STON2: variants seen among roughly 807,000 people sequenced by gnomAD.
STON2 encodes stonin-2.
A neutral mutation model predicts 65.7 loss-of-function variants in STON2; 29 were observed. That is an observed-to-expected ratio of 0.44 (90% CI 0.33 to 0.60). The LOEUF (loss-of-function observed/expected upper bound fraction) is 0.60. Ranked by LOEUF, STON2 falls within the 20% of genes least tolerant of loss-of-function variation. The pLI is 0.03. For synonymous variants in STON2, 404 were observed against 414.2 expected, an observed-to-expected ratio of 0.98 and a Z score of 0.30; for missense variants, 1,054 against 1,118.1, an observed-to-expected ratio of 0.94 and a Z score of 0.82.
chr14:81,289,481 C>T lies in STON2; in HGVS notation c.743-10742G>A, dbSNP rs1010098286. 4.6e-5 allele frequency among the ~76,000 whole-genome samples: 7 copies of T among 152,132 alleles called. 1 individual carries two copies. Among genetic ancestry groups the T allele is most frequent in the Admixed American group, 2.0e-4 (3 of 15,288 alleles). ...GAAAGGTCGGAAGGTTCTGCAGAGC[C>T]CCAGGGGAGAATAGCTGAAGACAGC... On this transcript the variant is annotated intron_variant, in intron 5 of 7. Coordinates refer to ENST00000614646, the MANE Select transcript of STON2 (RefSeq NM_001394390.1).
chr14:81,401,749 T>C (rs546004026), upstream of STON2, among the ~76,000 whole-genome samples: 21 of 152,330 alleles, frequency 1.4e-4, no homozygotes, highest in African/African-American at 4.3e-4. Flanking sequence ...GAGCTACTTC[T>C]TTCTCAGCAT....
In STON2 at chr14:81,270,801, C is replaced by T. The variant is rs1465000908; in HGVS notation, c.2653G>A (p.Ala885Thr). The T allele has an allele frequency of 1.2e-6, 2 of 1,614,038 alleles. No individual in the cohort carries two copies. Among genetic ancestry groups the T allele is most frequent in the East Asian group, 2.2e-5 (1 of 44,880 alleles). ...CTGAACTCGACATTCACGTGATTGG[C>T]AAATCTGGAAGGCACTTCCCGGTCA... ...GSDREVPSRFANHVNVEFSMP... is the reference protein window; with the variant it reads ...GSDREVPSRFTNHVNVEFSMP... Residue 885 changes from alanine (A) to threonine (T), a missense_variant, in exon 7 of 8, where the codon GCC becomes ACC. Physicochemically the swap from Ala to Thr is moderately conservative, Grantham distance 58. Coordinates refer to ENST00000614646, the MANE Select transcript of STON2 (RefSeq NM_001394390.1).
chr14:81,303,984 G>A (rs1896072805), intron 5 of STON2, among the ~76,000 whole-genome samples: 1 of 152,096 alleles, frequency 6.6e-6, no homozygotes, highest in South Asian at 2.1e-4. Context: ...CGTGAATAAT[G>A]ACTATCCTGA....
chr14:81,302,176 C>T (rs1483177923), intron 5 of STON2, among the ~76,000 whole-genome samples: 1 of 152,206 alleles, frequency 6.6e-6, no homozygotes, highest in East Asian at 1.9e-4. Context: ...TAAGCATGCA[C>T]CATATCAGCT....
At chr14:81,348,074 CCTTT>C (rs1897887452) in intron 4 of STON2, among the ~76,000 whole-genome samples, 1 of 151,942 alleles carries the variant, frequency 6.6e-6, no homozygotes, top group Non-Finnish European at 1.5e-5. Flanking sequence ...ATTCAACATT[CCTTT>C]ATGTTAAAAA....
intron 2 of STON2, among the ~76,000 whole-genome samples, chr14:81,426,212 T>C (rs1022066941): frequency 6.6e-6 from 1 of 152,236 alleles, no homozygotes; most frequent in Non-Finnish European, 1.5e-5. Flanking sequence ...TCAAATGGTA[T>C]CCGACCCTAG....
At chr14:81,420,078 T>C (rs1391918251) in intron 2 of STON2, among the ~76,000 whole-genome samples, 2 of 152,200 alleles carry the variant, frequency 1.3e-5, no homozygotes, top group Admixed American at 6.5e-5. Flanking sequence ...GGGGTGCATC[T>C]GCTAGATCCT....
Position 81,412,763 on chromosome 14 carries a change from TA to T in STON2, c.-198-14184del, listed in dbSNP as rs573978929. ...TGTAATTTAACAGAATTTTTTAAAT[TA>T]AAAAAAAATGACCACGCGCAAAGCA... On this transcript the variant is annotated intron_variant, in intron 2 of 8. Coordinates refer to the STON2 transcript ENST00000553821. Among the ~76,000 whole-genome samples, 107 of 138,288 alleles carry T rather than the reference TA, an allele frequency of 7.7e-4. 25 individuals are homozygous for T. In the South Asian group the frequency reaches 0.017, roughly 22 times the overall value. 90.7% of individuals were successfully genotyped at this position (138,288 alleles called of 152,430 possible).
intron 4 of STON2, among the ~76,000 whole-genome samples, chr14:81,363,330 T>A (rs1428814927): frequency 6.6e-6 from 1 of 152,120 alleles, no homozygotes; most frequent in African/African-American, 2.4e-5. Flanking sequence ...TATATAAAAA[T>A]CATTTTAATG....
chr14:81,314,026 G>T (rs1407264079), intron 5 of STON2, among the ~76,000 whole-genome samples: 1 of 152,194 alleles, frequency 6.6e-6, no homozygotes, highest in African/African-American at 2.4e-5. Context: ...AGAAGTAAGC[G>T]ACAGAGCCTT....
chr14:81,284,153 A>T (rs1024737132), intron 5 of STON2, among the ~76,000 whole-genome samples: 6 of 152,230 alleles, frequency 3.9e-5, no homozygotes, highest in African/African-American at 1.4e-4. Context: ...TCCCTGAGAC[A>T]AAGCAATATT....
intron 2 of STON2, among the ~76,000 whole-genome samples, chr14:81,405,762 G>A (rs1415091172): frequency 6.6e-6 from 1 of 152,120 alleles, no homozygotes; most frequent in Non-Finnish European, 1.5e-5. Flanking sequence ...GATCTTGACA[G>A]GGTATGATGG....
In STON2 at chr14:81,313,494, A is replaced by T. The variant is rs555357923; in HGVS notation, c.742+10523T>A. On this transcript the variant is annotated intron_variant, in intron 5 of 7. Coordinates refer to ENST00000614646, the MANE Select transcript of STON2 (RefSeq NM_001394390.1). ...CTCACAGTGAGAAAGAAAATTGATT[A>T]AAAAAAAAAAGCCAGGCCAGGCAGG... Among the ~76,000 whole-genome samples, 222 of 146,332 alleles carry T rather than the reference A, an allele frequency of 1.5e-3. 2 individuals carry two copies. Among genetic ancestry groups the T allele is most frequent in the African/African-American group, 5.4e-3 (218 of 40,170 alleles).
Position 81,266,743 on chromosome 14 carries a change from A to G in STON2, c.*1671T>C, listed in dbSNP as rs895143819. The G allele has an allele frequency of 8.1e-6, 8 of 985,216 alleles. No homozygotes were observed. In the African/African-American group the frequency reaches 1.4e-4, roughly 17 times the overall value. The allele number at this position is 985,216 out of a possible 1,614,324, so 61.0% of individuals were successfully genotyped here. ...TTCAACATTGAACCTCCATTTCTGTAAGGAAATATTTCTCTATAAACTACC... is the reference window on the plus strand; with the variant it reads ...TTCAACATTGAACCTCCATTTCTGTGAGGAAATATTTCTCTATAAACTACC... On this transcript the variant is annotated 3_prime_UTR_variant, in exon 8 of 8. Transcript: ENST00000614646.
At chr14:81,360,352 C>T (rs1595393589) in intron 4 of STON2, among the ~76,000 whole-genome samples, 1 of 152,084 alleles carries the variant, frequency 6.6e-6, no homozygotes, top group African/African-American at 2.4e-5. Context: ...GCATTTATCC[C>T]TGGGATGCAA....
chr14:81,379,396 GATATATATGGAGAT>G (rs1212317218), intron 3 of STON2, among the ~76,000 whole-genome samples: 3 of 152,128 alleles, frequency 2.0e-5, no homozygotes, highest in African/African-American at 4.8e-5. Flanking sequence ...AATGGAGAAA[GATATATATGGAGAT>G]ATATATATGG....
chr14:81,302,360 C>A (rs891608320), intron 5 of STON2, among the ~76,000 whole-genome samples: 1 of 152,208 alleles, frequency 6.6e-6, no homozygotes, highest in Non-Finnish European at 1.5e-5. Context: ...ACAGGCTCTT[C>A]CTGTAGTGAT....
At chr14:81,315,616 G>T (rs986280876) in intron 5 of STON2, among the ~76,000 whole-genome samples, 2 of 152,216 alleles carry the variant, frequency 1.3e-5, no homozygotes, top group Non-Finnish European at 2.9e-5. Context: ...TCCTGCTCCC[G>T]CAGAGAACAT....
intron 2 of STON2, among the ~76,000 whole-genome samples, chr14:81,405,557 G>T (rs1900818396): frequency 2.5e-5 from 3 of 117,980 alleles, no homozygotes; most frequent in Admixed American, 1.1e-4. Flanking sequence ...AATAATTGTT[G>T]GTGATACACT....
Sources: allele counts gnomAD v4.1 joint callset (sites outside exome capture counted in the v4.1 genomes callset), GRCh38; gene constraint gnomAD v4.1.1; transcripts MANE v1.5; gene names NCBI Gene and HGNC (gene_info 2026-07-23, HGNC 2026-07-21).